AQP9: variants seen among roughly 807,000 people sequenced by gnomAD.
The protein encoded by AQP9 is aquaporin 9, also known as aquaporin-9.
In AQP9, 19 loss-of-function variants were observed where a neutral mutation model predicts 23.8. The observed-to-expected ratio is 0.80, with a 90% CI of 0.56 to 1.17. AQP9 has a LOEUF of 1.17. Ranked by LOEUF, AQP9 falls within the 50% of genes most tolerant of loss-of-function variation. The probability of loss-of-function intolerance (pLI) is 0.00; values close to 1 mark genes in which losing one functional copy is unlikely to be tolerated. For synonymous variants in AQP9, 153 were observed against 131.5 expected, an observed-to-expected ratio of 1.16 and a Z score of -1.12; for missense variants, 413 against 362.0, an observed-to-expected ratio of 1.14 and a Z score of -1.14.
At chr15:58,160,750 T>A (rs544974074) in intron 1 of AQP9, among the ~76,000 whole-genome samples, 1 of 151,900 alleles carries the variant, frequency 6.6e-6, no homozygotes, top group East Asian at 1.9e-4. Flanking sequence ...CGTGATAGAG[T>A]AGGCACAGAA....
At chr15:58,142,289 T>C (rs921996086) in intron 1 of AQP9, among the ~76,000 whole-genome samples, 10 of 152,238 alleles carry the variant, frequency 6.6e-5, no homozygotes, top group Non-Finnish European at 1.2e-4. Context: ...ATTAAGAGAC[T>C]TATCAGCCCT....
At chr15:58,181,053 C>A (rs74016583) in intron 5 of AQP9, among the ~76,000 whole-genome samples, 2,045 of 152,264 alleles carry the variant, frequency 0.013, 44 homozygotes, top group African/African-American at 0.046. Flanking sequence ...TCTTCCACCC[C>A]CTTTGAGACC....
At chr15:58,174,352 G>A (rs1186181030) in intron 3 of AQP9, among the ~76,000 whole-genome samples, 4 of 152,052 alleles carry the variant, frequency 2.6e-5, no homozygotes, top group African/African-American at 9.6e-5. Flanking sequence ...TCCCCATAGA[G>A]TGTCTCTCTG....
intron 5 of AQP9, among the ~76,000 whole-genome samples, chr15:58,179,712 A>G (rs1898841124): frequency 6.6e-6 from 1 of 152,212 alleles, no homozygotes; most frequent in South Asian, 2.1e-4. Context: ...TTTGCATCCT[A>G]TGATGCCACT....
At chr15:58,160,630 T>C (rs1278383240) in intron 1 of AQP9, among the ~76,000 whole-genome samples, 1 of 123,016 alleles carries the variant, frequency 8.1e-6, no homozygotes, top group African/African-American at 2.5e-5. Context: ...TTTCCTCCAA[T>C]TAACCTGAAA....
At chr15:58,174,100 A>G (rs921549839) in intron 3 of AQP9, among the ~76,000 whole-genome samples, 20 of 152,188 alleles carry the variant, frequency 1.3e-4, no homozygotes, top group South Asian at 1.0e-3. Context: ...CCTGGGCAAC[A>G]TAGGGATACC....
chr15:58,174,994 C>A lies in AQP9; in HGVS notation c.453C>A (p.Tyr151Ter), dbSNP rs867994134. Reference protein sequence around the residue: ...ENATAHIFATYPAPYLSLANA... With the variant: ...ENATAHIFAT ...CAACAGCACACATTTTTGCAACATACCCAGCTCCGTATCTATCTCTGGCGA... is the reference window on the plus strand; with the variant it reads ...CAACAGCACACATTTTTGCAACATAACCAGCTCCGTATCTATCTCTGGCGA... The change falls in exon 4 of 6, where the codon TAC becomes TAA. Residue 151 changes from tyrosine to a stop codon, truncating the protein, a stop_gained. Coordinates refer to ENST00000219919, the MANE Select transcript of AQP9 (RefSeq NM_020980.5). LOFTEE classifies it high-confidence loss of function. The A allele has an allele frequency of 4.3e-6, 7 of 1,614,174 alleles. No individual in the cohort carries two copies. Among genetic ancestry groups the A allele is most frequent in the Non-Finnish European group, 5.9e-6 (7 of 1,179,984 alleles).
Position 58,184,143 on chromosome 15 carries a change from C to T in AQP9, c.*8C>T, listed in dbSNP as rs1898959803. The T allele has an allele frequency of 1.2e-6, 2 of 1,612,294 alleles. No individual in the cohort carries two copies. The highest frequency in any genetic ancestry group is 1.3e-5 in the African/African-American group (1 of 74,870). ...CTCAGTGTCATCATGTAGTGGCATG[C>T]TCAGCTCTGGATTTGCAGTCAGTTT... On this transcript the variant is annotated 3_prime_UTR_variant, in exon 6 of 6. Coordinates refer to ENST00000219919, the MANE Select transcript of AQP9 (RefSeq NM_020980.5).
intron 1 of AQP9, among the ~76,000 whole-genome samples, chr15:58,140,678 G>T (rs1897935760): frequency 6.6e-6 from 1 of 152,166 alleles, no homozygotes; most frequent in Non-Finnish European, 1.5e-5. Context: ...CTAGTAAAAA[G>T]CTTTGTACAT....
intron 1 of AQP9, among the ~76,000 whole-genome samples, chr15:58,145,773 G>A (rs1333326971): frequency 1.3e-5 from 2 of 152,128 alleles, no homozygotes; most frequent in African/African-American, 4.8e-5. Flanking sequence ...CTTGGGTTCT[G>A]TCTCCTTATT....
intron 1 of AQP9, among the ~76,000 whole-genome samples, chr15:58,158,850 G>C (rs1044875348): frequency 1.3e-5 from 2 of 152,262 alleles, no homozygotes; most frequent in South Asian, 4.1e-4. Context: ...TTCCCTGGTG[G>C]TCCCTGGCCC....
intron 1 of AQP9, chr15:58,151,895 CTA>C (rs1898158002): frequency 6.6e-6 from 1 of 152,052 alleles, no homozygotes; most frequent in Admixed American, 6.6e-5. Context: ...CCTCAACCCC[CTA>C]ACAGAATATA....
intron 1 of AQP9, among the ~76,000 whole-genome samples, chr15:58,158,825 G>A (rs1399525472): frequency 6.6e-6 from 1 of 152,218 alleles, no homozygotes; most frequent in South Asian, 2.1e-4. Flanking sequence ...CAGACCTCTT[G>A]CGGTAATTCT....
chr15:58,159,974 T>C (rs1015409874), intron 1 of AQP9, among the ~76,000 whole-genome samples: 4 of 152,184 alleles, frequency 2.6e-5, no homozygotes, highest in African/African-American at 9.6e-5. Context: ...AACATGAGAG[T>C]GCAGACAGCT....
intron 1 of AQP9, among the ~76,000 whole-genome samples, chr15:58,147,914 A>C (rs1181941017): frequency 6.6e-6 from 1 of 152,082 alleles, no homozygotes; most frequent in Non-Finnish European, 1.5e-5. Context: ...ACACATATAC[A>C]TGCACACACA....
rs16953363 is a variant in AQP9, at chr15:58,156,918, T to C, written c.112-9755T>C. Among the ~76,000 whole-genome samples, 909 of 152,190 alleles carry C rather than the reference T, an allele frequency of 6.0e-3. 46 individuals are homozygous for C. In the East Asian group the frequency reaches 0.13, roughly 21 times the overall value. On this transcript the variant is annotated intron_variant, in intron 1 of 5. Transcript: ENST00000219919. ...TACCCTACATATGTCCTCAGGAAAA[T>C]TACTTAATTTCTTTGTCCAAAGGTT...
intron 1 of AQP9, among the ~76,000 whole-genome samples, chr15:58,142,572 A>G (rs1188644087): frequency 6.6e-6 from 1 of 152,220 alleles, no homozygotes; most frequent in African/African-American, 2.4e-5. Flanking sequence ...GAGGTGGCTC[A>G]GTGATGTCTT....
intron 1 of AQP9, among the ~76,000 whole-genome samples, chr15:58,157,384 A>T (rs534491749): frequency 6.6e-6 from 1 of 152,256 alleles, no homozygotes; most frequent in African/African-American, 2.4e-5. Context: ...TGAGACTTGG[A>T]GGTATTGGGG....
intron 1 of AQP9, among the ~76,000 whole-genome samples, chr15:58,149,264 C>T (rs1488313094): frequency 6.6e-6 from 1 of 152,090 alleles, no homozygotes; most frequent in African/African-American, 2.4e-5. Context: ...GGTCTTGTAT[C>T]AAGTCACTCA....
Sources: allele counts gnomAD v4.1 joint callset (sites outside exome capture counted in the v4.1 genomes callset), GRCh38; gene constraint gnomAD v4.1.1; transcripts MANE v1.5; gene names NCBI Gene and HGNC (gene_info 2026-07-23, HGNC 2026-07-21).